Variants in LRRTM4 observed in about 807,000 individuals in gnomAD.
The protein encoded by LRRTM4 is leucine rich repeat transmembrane neuronal 4, also known as leucine-rich repeat transmembrane neuronal protein 4.
LRRTM4 carries 25 observed loss-of-function variants against 47.6 expected under a neutral mutation model. The observed-to-expected ratio is 0.53, with a 90% CI of 0.38 to 0.73. The LOEUF is 0.73. LRRTM4 is among the 30% of genes least tolerant of loss of function. The pLI is 0.00. For synonymous variants in LRRTM4, 311 were observed against 269.5 expected, an observed-to-expected ratio of 1.15 and a Z score of -1.51; for missense variants, 638 against 713.4, an observed-to-expected ratio of 0.89 and a Z score of 1.20.
chr2:76,931,849 A>G (rs1238801068), intron 3 of LRRTM4, among the ~76,000 whole-genome samples: 1 of 152,138 alleles, frequency 6.6e-6, no homozygotes, highest in African/African-American at 2.4e-5. Context: ...GGGAGTCGTG[A>G]TTAATTAGAA....
At position 76,824,666 on chromosome 2, in the gene LRRTM4, T is replaced by A. The variant is rs143798036; in HGVS notation, c.1552-75750A>T. On this transcript the variant is annotated intron_variant, in intron 3 of 3. Coordinates refer to ENST00000409884, the MANE Select transcript of LRRTM4 (RefSeq NM_001134745.3). ...ATATATTTGGCTGTTTGTGGATATT[T>A]GCATAATAAGCAACCAGTTAATACT... 5.9e-5 allele frequency among the ~76,000 whole-genome samples: 9 copies of A among 151,730 alleles called. No individual in the cohort carries two copies. The East Asian group carries it at 1.7e-3, about 29-fold the overall frequency.
chr2:77,257,617 C>T lies in LRRTM4; in HGVS notation c.1551+260701G>A, dbSNP rs1573154606. Among the ~76,000 whole-genome samples the T allele has an allele frequency of 3.3e-5, 5 of 151,870 alleles. 1 individual carries two copies. Among genetic ancestry groups the T allele is most frequent in the Admixed American group, 3.3e-4 (5 of 15,230 alleles). ...TACTTTTCCTTTGCTTTAGGAAAGC[C>T]TTGACAAGAGCAGGAAAAGATAAGT... On this transcript the variant is annotated intron_variant, in intron 3 of 3. Transcript: ENST00000409884.
At chr2:76,897,933 A>G (rs1343342833) in intron 3 of LRRTM4, among the ~76,000 whole-genome samples, 2 of 152,202 alleles carry the variant, frequency 1.3e-5, no homozygotes, top group Admixed American at 6.6e-5. Flanking sequence ...CAAAGGGAAG[A>G]CAATCTAAAT....
chr2:77,160,290 A>G (rs976401453), intron 3 of LRRTM4, among the ~76,000 whole-genome samples: 5 of 152,084 alleles, frequency 3.3e-5, no homozygotes, highest in Admixed American at 1.3e-4. Context: ...ATCATTCCAG[A>G]CTTTCATGAT....
intron 3 of LRRTM4, among the ~76,000 whole-genome samples, chr2:77,376,304 C>T (rs1040852962): frequency 6.6e-6 from 1 of 151,598 alleles, no homozygotes; most frequent in Non-Finnish European, 1.5e-5. Flanking sequence ...TCTAATTTCC[C>T]CTTTTGATAT....
intron 3 of LRRTM4, among the ~76,000 whole-genome samples, chr2:77,132,290 A>C (rs1671823141): frequency 6.6e-6 from 1 of 152,078 alleles, no homozygotes; most frequent in African/African-American, 2.4e-5. Flanking sequence ...ACTGACTTTC[A>C]TTTCCATTCA....
intron 3 of LRRTM4, among the ~76,000 whole-genome samples, chr2:76,985,385 C>T (rs554361365): frequency 2.7e-4 from 41 of 152,060 alleles, no homozygotes; most frequent in African/African-American, 8.7e-4. Context: ...CAGCTTAGAG[C>T]CCCAGTGGGA....
intron 3 of LRRTM4, among the ~76,000 whole-genome samples, chr2:76,783,514 C>G (rs1048442808): frequency 1.3e-5 from 2 of 152,162 alleles, no homozygotes; most frequent in Non-Finnish European, 1.5e-5. Flanking sequence ...AACTGAAACT[C>G]TGTACCTATT....
intron 3 of LRRTM4, among the ~76,000 whole-genome samples, chr2:76,793,546 T>C (rs1454199637): frequency 6.6e-6 from 1 of 152,148 alleles, no homozygotes; most frequent in African/African-American, 2.4e-5. Context: ...CATTGTATTT[T>C]TATATGAGAA....
chr2:76,954,767 T>C (rs941368839), intron 3 of LRRTM4, among the ~76,000 whole-genome samples: 3 of 151,784 alleles, frequency 2.0e-5, no homozygotes, highest in Non-Finnish European at 2.9e-5. Context: ...AATTAAATAA[T>C]GAAAACAATT....
chr2:76,883,699 C>T (rs1427067870), intron 3 of LRRTM4, among the ~76,000 whole-genome samples: 1 of 152,138 alleles, frequency 6.6e-6, no homozygotes. Flanking sequence ...AAACTTGGAG[C>T]AGAGTCACAG....
At chr2:77,423,790 A>G (rs1674997346) in intron 3 of LRRTM4, among the ~76,000 whole-genome samples, 1 of 152,180 alleles carries the variant, frequency 6.6e-6, no homozygotes, top group South Asian at 2.1e-4. Context: ...TTCATTTTCT[A>G]ATCTGCATAA....
At chr2:77,512,499 A>C (rs1305291553) in intron 3 of LRRTM4, among the ~76,000 whole-genome samples, 3 of 152,154 alleles carry the variant, frequency 2.0e-5, no homozygotes, top group African/African-American at 7.2e-5. Context: ...ACATCACTTC[A>C]TGCTTTTCAC....
intron 3 of LRRTM4, among the ~76,000 whole-genome samples, chr2:77,095,923 A>G (rs180797055): frequency 1.3e-5 from 2 of 152,188 alleles, no homozygotes; most frequent in African/African-American, 4.8e-5. Flanking sequence ...AAAGTCTTGG[A>G]CTATAGGAAT....
At chr2:76,873,506 G>GTATATA (rs58469429) in intron 3 of LRRTM4, among the ~76,000 whole-genome samples, 1,862 of 112,202 alleles carry the variant, frequency 0.017, 39 homozygotes, top group East Asian at 0.093. Flanking sequence ...ATATATGTGT[G>GTATATA]TATATATATA....
chr2:76,891,699 C>T (rs1030795887), intron 3 of LRRTM4, among the ~76,000 whole-genome samples: 1 of 151,694 alleles, frequency 6.6e-6, no homozygotes, highest in Non-Finnish European at 1.5e-5. Context: ...ATTCATACCT[C>T]ACATTAGAAT....
At chr2:77,504,378 T>A (rs944557353) in intron 3 of LRRTM4, among the ~76,000 whole-genome samples, 1 of 151,524 alleles carries the variant, frequency 6.6e-6, no homozygotes, top group African/African-American at 2.4e-5. Flanking sequence ...TGCCCTCTGA[T>A]CCAGATAAAA....
intron 3 of LRRTM4, among the ~76,000 whole-genome samples, chr2:76,832,845 C>G (rs1050274432): frequency 2.0e-5 from 3 of 151,974 alleles, no homozygotes; most frequent in Non-Finnish European, 4.4e-5. Flanking sequence ...CAGAGGAAAG[C>G]TGTGGAGGAC....
intron 3 of LRRTM4, among the ~76,000 whole-genome samples, chr2:77,505,723 A>C (rs1678741574): frequency 6.6e-6 from 1 of 151,668 alleles, no homozygotes; most frequent in Admixed American, 6.6e-5. Context: ...GATGCCTATA[A>C]ATATGGACAT....
Sources: allele counts gnomAD v4.1 joint callset (sites outside exome capture counted in the v4.1 genomes callset), GRCh38; gene constraint gnomAD v4.1.1; transcripts MANE v1.5; gene names NCBI Gene and HGNC (gene_info 2026-07-23, HGNC 2026-07-21).